Variants in DCC observed in about 807,000 individuals in gnomAD.
DCC encodes netrin receptor DCC.
In DCC, 58 loss-of-function variants were observed where a neutral mutation model predicts 172.5. That is an observed-to-expected ratio of 0.34 (90% CI 0.27 to 0.42). DCC has a LOEUF of 0.42. Among genes scored for constraint, DCC ranks in the 10% least tolerant of loss-of-function variants. The probability of loss-of-function intolerance (pLI) is 1.00; values close to 1 mark genes in which losing one functional copy is unlikely to be tolerated. For missense variants in DCC, 1,740 were observed against 1,791.0 expected (o/e 0.97, Z 0.51); for synonymous variants, 709 against 644.5 (o/e 1.10, Z -1.52).
chr18:53,526,643 A>C lies in DCC; in HGVS notation c.4138A>C (p.Lys1380Gln). ...PGPTLPKTHV[K>Q]TASLGLAGKA... Reference sequence around the variant, plus strand: ...GCCCACTCTTCCTAAGACCCATGTGAAAACAGCCTCCCTTGGGTTGGCTGG... The same window carrying C: ...GCCCACTCTTCCTAAGACCCATGTGCAAACAGCCTCCCTTGGGTTGGCTGG... Residue 1380 changes from lysine to glutamine, a missense_variant, in exon 28 of 29, where the codon AAA becomes CAA. Lys to Gln is a moderately conservative substitution (Grantham distance 53). Coordinates refer to ENST00000442544, the MANE Select transcript of DCC (RefSeq NM_005215.4). 6.2e-7 allele frequency: 1 copy of C among 1,613,572 alleles called. No individual in the cohort carries two copies. Among genetic ancestry groups the C allele is most frequent in the Non-Finnish European group, 8.5e-7 (1 of 1,179,660 alleles).
chr18:52,828,056 T>C (rs2038543560), intron 2 of DCC, among the ~76,000 whole-genome samples: 1 of 152,130 alleles, frequency 6.6e-6, no homozygotes, highest in Non-Finnish European at 1.5e-5. Context: ...GTCCCAGCTC[T>C]AGTATGATCT....
rs1052002185 is a variant in DCC, at chr18:52,525,849, A to G, written c.91+184971A>G. ...GGAAGCCAAAGATGATGAATCCTCC[A>G]TTAACTGCTATTGCACCTTATTTGA... On this transcript the variant is annotated intron_variant, in intron 1 of 28. Transcript: ENST00000442544. 6.6e-5 allele frequency among the ~76,000 whole-genome samples: 10 copies of G among 152,216 alleles called. No homozygotes were observed. In the East Asian group the frequency reaches 1.9e-3, roughly 29 times the overall value.
intron 2 of DCC, among the ~76,000 whole-genome samples, chr18:52,863,266 C>G (rs1022620364): frequency 5.3e-5 from 8 of 151,882 alleles, no homozygotes; most frequent in Non-Finnish European, 1.0e-4. Context: ...AGAATTGTTT[C>G]TCTTGTATCT....
intron 22 of DCC, among the ~76,000 whole-genome samples, chr18:53,446,297 A>G (rs180950091): frequency 3.3e-5 from 5 of 152,182 alleles, no homozygotes; most frequent in Admixed American, 1.3e-4. Flanking sequence ...AAAAAAGGAA[A>G]AAAACACATT....
chr18:52,844,803 T>G (rs2145326161), intron 2 of DCC, among the ~76,000 whole-genome samples: 1 of 152,358 alleles, frequency 6.6e-6, no homozygotes, highest in South Asian at 2.1e-4. Context: ...GGGCTTCCTC[T>G]TTGATGTTTG....
chr18:53,190,608 T>C (rs1161974035), intron 9 of DCC, among the ~76,000 whole-genome samples: 1 of 152,132 alleles, frequency 6.6e-6, no homozygotes, highest in East Asian at 1.9e-4. Context: ...TAATTCACCA[T>C]TGATAAAAAT....
At chr18:53,390,133 C>T (rs1908444991) in intron 16 of DCC, among the ~76,000 whole-genome samples, 1 of 152,252 alleles carries the variant, frequency 6.6e-6, no homozygotes, top group East Asian at 1.9e-4. Flanking sequence ...TCTCTTTCCC[C>T]TTCATCGTTT....
intron 5 of DCC, among the ~76,000 whole-genome samples, chr18:53,042,852 CTG>C (rs890578794): frequency 3.3e-5 from 5 of 151,918 alleles, no homozygotes; most frequent in African/African-American, 1.2e-4. Context: ...CACTTTTACA[CTG>C]TTGGTGGGAG....
intron 27 of DCC, among the ~76,000 whole-genome samples, chr18:53,508,923 A>G (rs749123284): frequency 2.2e-4 from 34 of 152,230 alleles, no homozygotes; most frequent in Non-Finnish European, 4.3e-4. Flanking sequence ...GTCACACTGC[A>G]AATGATCCCA....
intron 9 of DCC, among the ~76,000 whole-genome samples, chr18:53,195,788 C>T (rs1450535966): frequency 6.6e-6 from 1 of 152,178 alleles, no homozygotes; most frequent in Non-Finnish European, 1.5e-5. Flanking sequence ...GTTATCATCC[C>T]AGATTCCTAT....
At chr18:53,439,524 G>C (rs899352288) in intron 22 of DCC, among the ~76,000 whole-genome samples, 8 of 152,122 alleles carry the variant, frequency 5.3e-5, no homozygotes, top group Non-Finnish European at 1.2e-4. Context: ...ATGGCTTACT[G>C]TCAGGATACT....
chr18:53,498,960 C>T (rs1357524041), intron 26 of DCC, among the ~76,000 whole-genome samples: 1 of 152,158 alleles, frequency 6.6e-6, no homozygotes, highest in South Asian at 2.1e-4. Flanking sequence ...GACATTGCTA[C>T]TTATGAAAGG....
intron 11 of DCC, among the ~76,000 whole-genome samples, chr18:53,213,420 C>A (rs544001083): frequency 2.0e-5 from 3 of 151,766 alleles, no homozygotes; most frequent in Admixed American, 1.3e-4. Context: ...GAGGCCGAGG[C>A]GGGTGGATCA....
At chr18:52,405,727 G>A (rs1405024709) in intron 1 of DCC, among the ~76,000 whole-genome samples, 19 of 151,632 alleles carry the variant, frequency 1.3e-4, no homozygotes, top group South Asian at 2.1e-4. Flanking sequence ...AATCAATATC[G>A]TGAAAATGGC....
At chr18:53,339,096 G>A (rs1170007977) in intron 14 of DCC, among the ~76,000 whole-genome samples, 3 of 152,294 alleles carry the variant, frequency 2.0e-5, no homozygotes, top group South Asian at 2.1e-4. Flanking sequence ...ATGACAGAAC[G>A]TGGCATTAAA....
At chr18:52,928,402 T>C (rs930397627) in intron 5 of DCC, among the ~76,000 whole-genome samples, 2 of 152,106 alleles carry the variant, frequency 1.3e-5, no homozygotes, top group Non-Finnish European at 2.9e-5. Flanking sequence ...CTTATCTATA[T>C]AACAAACCTG....
intron 1 of DCC, among the ~76,000 whole-genome samples, chr18:52,580,181 T>A (rs1205350298): frequency 2.0e-5 from 3 of 152,182 alleles, no homozygotes; most frequent in Non-Finnish European, 4.4e-5. Context: ...CAATATCTTG[T>A]TTTCCTGACA....
chr18:52,545,745 CA>C (rs1392711523), intron 1 of DCC, among the ~76,000 whole-genome samples: 1 of 152,034 alleles, frequency 6.6e-6, no homozygotes, highest in African/African-American at 2.4e-5. Flanking sequence ...ATCTTGAGAC[CA>C]GGGGTCATAT....
intron 2 of DCC, among the ~76,000 whole-genome samples, chr18:52,777,766 C>T (rs959715602): frequency 1.4e-5 from 2 of 142,040 alleles, no homozygotes; most frequent in Admixed American, 1.4e-4. Flanking sequence ...GGCAGATCTC[C>T]AGGGAAAAAA....
Sources: allele counts gnomAD v4.1 joint callset (sites outside exome capture counted in the v4.1 genomes callset), GRCh38; gene constraint gnomAD v4.1.1; transcripts MANE v1.5; gene names NCBI Gene and HGNC (gene_info 2026-07-23, HGNC 2026-07-21).